Variants in SMPD4 observed in about 807,000 individuals in gnomAD.
The protein encoded by SMPD4 is neutral sphingomyelinase 3.
SMPD4 carries 58 observed loss-of-function variants against 97.8 expected under a neutral mutation model. The observed-to-expected ratio is 0.59, with a 90% CI of 0.48 to 0.74. The LOEUF is 0.74. SMPD4 is among the 30% of genes least tolerant of loss of function. The pLI is 0.00. For missense variants in SMPD4, 853 were observed against 1,080.5 expected (o/e 0.79, Z 2.95); for synonymous variants, 388 against 450.0 (o/e 0.86, Z 1.74).
chr2:130,165,557 T>C (rs181202469), intron 9 of SMPD4, among the ~76,000 whole-genome samples: 7 of 152,204 alleles, frequency 4.6e-5, no homozygotes, highest in Non-Finnish European at 1.0e-4. Context: ...TGACACATGC[T>C]GTAACATGGA....
At chr2:130,172,715 G>A (rs374987678) in intron 6 of SMPD4, 38 bp from the exon 7 acceptor site, 19 of 1,614,174 alleles carry the variant, frequency 1.2e-5, no homozygotes, top group Middle Eastern at 1.6e-4. Context: ...CAGGGTTGAT[G>A]AGCCACCCCC....
At chr2:130,154,625 T>C (rs1175067191) in intron 15 of SMPD4, 143 bp from the exon 16 acceptor site, 2 of 1,133,674 alleles carry the variant, frequency 1.8e-6, no homozygotes, top group Admixed American at 2.0e-5. Flanking sequence ...TGGCAGCATC[T>C]CCCACACAGT....
intron 1 of SMPD4, among the ~76,000 whole-genome samples, chr2:130,176,872 G>A (rs963623542): frequency 1.3e-5 from 2 of 151,980 alleles, no homozygotes; most frequent in African/African-American, 4.8e-5. Flanking sequence ...ACAGGGTCTC[G>A]CTATGTTGCC....
intron 1 of SMPD4, among the ~76,000 whole-genome samples, chr2:130,178,533 A>T (rs1689182393): frequency 6.6e-6 from 1 of 152,152 alleles, no homozygotes; most frequent in Non-Finnish European, 1.5e-5. Context: ...CATGGCTCAC[A>T]CCTGTAATCC....
chr2:130,175,879 A>G (rs1688939511), intron 2 of SMPD4, among the ~76,000 whole-genome samples: 1 of 152,240 alleles, frequency 6.6e-6, no homozygotes, highest in African/African-American at 2.4e-5. Context: ...AGTGGGGTGC[A>G]CTGAGGAAGA....
intron 8 of SMPD4, among the ~76,000 whole-genome samples, chr2:130,170,549 C>G (rs555171400): frequency 1.3e-5 from 2 of 150,020 alleles, no homozygotes; most frequent in African/African-American, 4.9e-5. Flanking sequence ...GAGGATCGCT[C>G]GAGCCCAGGA....
At chr2:130,176,365 G>C (rs1688976789) in intron 2 of SMPD4, among the ~76,000 whole-genome samples, 189 bp downstream of exon 2, 1 of 152,216 alleles carries the variant, frequency 6.6e-6, no homozygotes, top group African/African-American at 2.4e-5. Flanking sequence ...GAGCCCAGAA[G>C]TTGAGTAACC....
At chr2:130,172,992 T>C in intron 5 of SMPD4, 97 bp from the exon 6 acceptor site, 1 of 1,484,832 alleles carries the variant, frequency 6.7e-7, no homozygotes. Context: ...GGAAGGCTGC[T>C]GGGGAAGAGA....
At chr2:130,177,821 G>A (rs1020921168) in intron 1 of SMPD4, among the ~76,000 whole-genome samples, 10 of 152,102 alleles carry the variant, frequency 6.6e-5, no homozygotes, top group South Asian at 2.1e-4. Flanking sequence ...ACCAGGACTC[G>A]CTCTAAATGC....
At chr2:130,174,516 AG>A (rs1248821497) in intron 3 of SMPD4, among the ~76,000 whole-genome samples, 1 of 152,240 alleles carries the variant, frequency 6.6e-6, no homozygotes, top group African/African-American at 2.4e-5. Flanking sequence ...TATTTACATC[AG>A]GGTTTCTCAA....
At chr2:130,159,938 C>T (rs534599050) in intron 11 of SMPD4, among the ~76,000 whole-genome samples, 1 of 152,330 alleles carries the variant, frequency 6.6e-6, no homozygotes, top group Admixed American at 6.5e-5. Context: ...ACTGTCCGCC[C>T]CTGCCGCCGG....
intron 8 of SMPD4, among the ~76,000 whole-genome samples, chr2:130,167,974 G>A (rs1688092093): frequency 6.6e-6 from 1 of 152,178 alleles, no homozygotes; most frequent in Non-Finnish European, 1.5e-5. Context: ...ACCAAGGCAG[G>A]AGGATTTCTT....
chr2:130,161,140 T>A, intron 11 of SMPD4, 46 bp downstream of exon 11: 1 of 1,584,316 alleles, frequency 6.3e-7, no homozygotes, highest in East Asian at 2.2e-5. Context: ...TTGCCAGGCA[T>A]GGACATGCAC....
At chr2:130,169,854 C>A (rs1385291486) in intron 8 of SMPD4, among the ~76,000 whole-genome samples, 1 of 152,140 alleles carries the variant, frequency 6.6e-6, no homozygotes, top group Non-Finnish European at 1.5e-5. Flanking sequence ...GCTCAGCCTG[C>A]AAGTTATTTT....
intron 9 of SMPD4, among the ~76,000 whole-genome samples, chr2:130,166,853 A>ACC (rs1447309533): frequency 1.3e-5 from 2 of 152,206 alleles, no homozygotes; most frequent in African/African-American, 4.8e-5. Context: ...GGCTGCACAG[A>ACC]CCCCTCACCA....
At chr2:130,168,528 AT>A (rs34973029) in intron 8 of SMPD4, among the ~76,000 whole-genome samples, 2 of 151,088 alleles carry the variant, frequency 1.3e-5, no homozygotes, top group Non-Finnish European at 1.5e-5. Flanking sequence ...CTCGTTATCA[AT>A]TTTTTTTTGA....
Position 130,153,377 on chromosome 2 carries a change from A to C in SMPD4, c.1967T>G (p.Leu656Arg). ...TTQDENGKKQLPDCIVGEDGL... is the reference protein window; with the variant it reads ...TTQDENGKKQRPDCIVGEDGL... Reference sequence around the variant, plus strand: ...GTCCTCACCCACGATGCAGTCGGGGAGTTGCTTTTTTCCATTCTCATCCTG... The same window carrying C: ...GTCCTCACCCACGATGCAGTCGGGGCGTTGCTTTTTTCCATTCTCATCCTG... Residue 656 changes from leucine (L) to arginine (R), a missense_variant, in exon 18 of 20, where the codon CTC (leucine) becomes CGC (arginine). By Grantham distance (102) the Leu-to-Arg change is moderately radical. Around this residue, in one of 3 missense-constraint regions of SMPD4, gnomAD observed 511 missense variants for 608.1 expected, o/e 0.84. Coordinates refer to ENST00000680298, the MANE Select transcript of SMPD4 (RefSeq NM_017951.5). 1 of 1,613,728 alleles carries C rather than the reference A, an allele frequency of 6.2e-7. No homozygotes were observed. The highest frequency in any genetic ancestry group is 8.5e-7 in the Non-Finnish European group (1 of 1,179,992).
In SMPD4 at chr2:130,153,830, C is replaced by A; in HGVS notation, c.1765G>T (p.Gly589Cys). 2 of 1,613,986 alleles carry A rather than the reference C, an allele frequency of 1.2e-6. No homozygotes were observed. Among genetic ancestry groups the A allele is most frequent in the African/African-American group, 2.7e-5 (2 of 75,062 alleles). Residue 589 changes from glycine (G) to cysteine (C), a missense_variant, in exon 17 of 20, where the codon GGC (glycine) becomes TGC (cysteine). Coordinates refer to ENST00000680298, the MANE Select transcript of SMPD4 (RefSeq NM_017951.5). ...CCATTGGTGTCCATGGAGCTAAAGC[C>A]CAGCCATGAGAGGAAGGAGTGGCCA... ...PAGHSFLSWL[G>C]FSSMDTNGSY...
rs769461501 is a variant in SMPD4, at chr2:130,153,129, C to G, written c.2068G>C (p.Asp690His). Reference sequence around the variant, plus strand: ...CTCCGGATGGGCTGCAGCTCCGGGTCCCCCTGGTACTCAATTTCAAACCTT... The same window carrying G: ...CTCCGGATGGGCTGCAGCTCCGGGTGCCCCTGGTACTCAATTTCAAACCTT... ...LRRFEIEYQG[D>H]PELQPIRSYE... The change falls in exon 19 of 20, where the codon GAC becomes CAC. Residue 690 changes from aspartate to histidine, a missense_variant. Physicochemically the swap from Asp to His is moderately conservative, Grantham distance 81 (BLOSUM62 -1). Around this residue, in one of 3 missense-constraint regions of SMPD4, gnomAD observed 511 missense variants for 608.1 expected, o/e 0.84. Coordinates refer to ENST00000680298, the MANE Select transcript of SMPD4 (RefSeq NM_017951.5). 6.2e-6 allele frequency: 10 copies of G among 1,613,820 alleles called. No individual in the cohort carries two copies. The highest frequency in any genetic ancestry group is 8.5e-6 in the Non-Finnish European group (10 of 1,180,002).
Sources: allele counts gnomAD v4.1 joint callset (sites outside exome capture counted in the v4.1 genomes callset), GRCh38; gene constraint gnomAD v4.1.1; regional missense constraint gnomAD v4.1.1; transcripts MANE v1.5; gene names NCBI Gene and HGNC (gene_info 2026-07-23, HGNC 2026-07-21).